The following STXBP5L variants were observed in gnomAD, a reference collection of about 807,000 sequenced individuals.
STXBP5L encodes the protein syntaxin-binding protein 5-like.
In STXBP5L, 65 loss-of-function variants were observed where a neutral mutation model predicts 144.5. The observed-to-expected ratio is 0.45, with a 90% confidence interval of 0.37 to 0.55. The LOEUF (loss-of-function observed/expected upper bound fraction) is 0.55, where lower values mean the gene tolerates loss of function less well. Ranked by LOEUF, STXBP5L falls within the 20% of genes least tolerant of loss-of-function variation. The pLI is 0.00. For synonymous variants in STXBP5L, 505 were observed against 469.6 expected, an observed-to-expected ratio of 1.08 and a Z score of -0.97; for missense variants, 1,298 against 1,405.5, an observed-to-expected ratio of 0.92 and a Z score of 1.22.
intron 5 of STXBP5L, among the ~76,000 whole-genome samples, chr3:121,097,486 A>G (rs1235258180): frequency 2.0e-5 from 3 of 152,230 alleles, no homozygotes; most frequent in Non-Finnish European, 4.4e-5. Flanking sequence ...TGCAAAGACC[A>G]TGGGACAAAT....
At chr3:121,241,025 G>C (rs933791566) in intron 14 of STXBP5L, among the ~76,000 whole-genome samples, 2 of 152,148 alleles carry the variant, frequency 1.3e-5, no homozygotes, top group African/African-American at 2.4e-5. Context: ...GGAAGATAGA[G>C]TAAATATATT....
At chr3:121,002,547 ATTTG>A (rs1431826925) in intron 3 of STXBP5L, among the ~76,000 whole-genome samples, 1 of 152,122 alleles carries the variant, frequency 6.6e-6, no homozygotes, top group Non-Finnish European at 1.5e-5. Flanking sequence ...ATATAGTCCC[ATTTG>A]TTTATTTTGT....
intron 4 of STXBP5L, among the ~76,000 whole-genome samples, chr3:121,043,448 C>A (rs571396274): frequency 6.6e-6 from 1 of 150,674 alleles, no homozygotes; most frequent in East Asian, 1.9e-4. Flanking sequence ...CGGTGGCTCA[C>A]GCCTGTAATC....
At chr3:121,281,787 T>C (rs995975370) in intron 19 of STXBP5L, among the ~76,000 whole-genome samples, 2 of 151,952 alleles carry the variant, frequency 1.3e-5, no homozygotes, top group South Asian at 2.1e-4. Flanking sequence ...GTGTACAAGA[T>C]GACACAGTGA....
intron 9 of STXBP5L, among the ~76,000 whole-genome samples, chr3:121,189,983 T>G (rs1003076545): frequency 2.6e-5 from 4 of 152,206 alleles, no homozygotes; most frequent in African/African-American, 4.8e-5. Context: ...TTAAGCATCT[T>G]GGCATTCTGA....
At chr3:121,139,451 G>C (rs2045403315) in intron 7 of STXBP5L, among the ~76,000 whole-genome samples, 1 of 152,048 alleles carries the variant, frequency 6.6e-6, no homozygotes, top group Non-Finnish European at 1.5e-5. Context: ...AAACAATTAA[G>C]GCGGAATATG....
intron 20 of STXBP5L, among the ~76,000 whole-genome samples, chr3:121,346,705 G>A (rs1232300271): frequency 5.3e-5 from 8 of 152,210 alleles, no homozygotes; most frequent in Non-Finnish European, 5.9e-5. Context: ...ATGGCCAGTG[G>A]TGATGAGCAT....
At chr3:120,977,633 C>G (rs1941227931) in intron 3 of STXBP5L, among the ~76,000 whole-genome samples, 1 of 152,106 alleles carries the variant, frequency 6.6e-6, no homozygotes, top group Non-Finnish European at 1.5e-5. Flanking sequence ...CAGTTTCTTC[C>G]TAGCTTCGAT....
intron 5 of STXBP5L, among the ~76,000 whole-genome samples, chr3:121,067,579 C>T (rs1037529236): frequency 6.6e-6 from 1 of 152,092 alleles, no homozygotes; most frequent in African/African-American, 2.4e-5. Flanking sequence ...ACTAATTTTA[C>T]TATTCTGTTA....
intron 18 of STXBP5L, among the ~76,000 whole-genome samples, chr3:121,268,631 T>G (rs1056896686): frequency 1.3e-5 from 2 of 152,174 alleles, no homozygotes; most frequent in Non-Finnish European, 2.9e-5. Flanking sequence ...GCGTAATAGA[T>G]TGATTTCATC....
chr3:121,045,501 G>A lies in STXBP5L; in HGVS notation c.436G>A (p.Ala146Thr). The A allele has an allele frequency of 1.9e-6, 3 of 1,613,060 alleles. No individual in the cohort carries two copies. The highest frequency in any genetic ancestry group is 2.5e-6 in the Non-Finnish European group (3 of 1,179,408). The change falls in exon 5 of 27, where the codon GCC (alanine) becomes ACC (threonine). Residue 146 changes from alanine (A) to threonine (T), a missense_variant. Ala to Thr is a moderately conservative substitution (Grantham distance 58). Transcript: ENST00000471454. The stretch of plus-strand genomic sequence containing the variant: ...GTGGAACCTTAGACAAAAAAGGCCA[G>A]CCATACTCCATTCTCTTAAATTTAA... ...HLWNLRQKRP[A>T]ILHSLKFNRE... is the part of the protein sequence containing the mutation.
intron 20 of STXBP5L, among the ~76,000 whole-genome samples, chr3:121,368,383 T>C (rs918837327): frequency 6.6e-6 from 1 of 152,096 alleles, no homozygotes; most frequent in Non-Finnish European, 1.5e-5. Context: ...CATCCTTTAC[T>C]TGACTTTCTC....
chr3:121,033,614 T>C (rs1946535203), intron 3 of STXBP5L, among the ~76,000 whole-genome samples: 3 of 151,438 alleles, frequency 2.0e-5, no homozygotes. Context: ...ATAAATAAAT[T>C]CGTGTGTTTT....
At position 121,419,473 on chromosome 3, in the gene STXBP5L, G is replaced by A. The variant is rs935710682; in HGVS notation, c.*376G>A. On this transcript the variant is annotated 3_prime_UTR_variant, in exon 27 of 27. Transcript: ENST00000471454. ...TTTGCATGATAAATTAACATCTTAA[G>A]GGGAAAAGAAAAAAAAGCATGTTGT... 2.5e-5 allele frequency: 4 copies of A among 160,904 alleles called. No homozygotes were observed. Among genetic ancestry groups the A allele is most frequent in the Non-Finnish European group, 5.4e-5 (4 of 74,172 alleles). The allele number at this position is 160,904 out of a possible 1,614,324, so 10.0% of individuals were successfully genotyped here.
intron 2 of STXBP5L, among the ~76,000 whole-genome samples, chr3:120,918,653 T>C (rs1301274666): frequency 6.6e-6 from 1 of 152,198 alleles, no homozygotes; most frequent in Non-Finnish European, 1.5e-5. Context: ...AATTAACATT[T>C]CTTTATATAA....
chr3:121,183,666 AAGGG>A (rs536536186), intron 9 of STXBP5L, among the ~76,000 whole-genome samples: 3 of 151,286 alleles, frequency 2.0e-5, no homozygotes, highest in Non-Finnish European at 4.4e-5. Context: ...AGAAAGAAGG[AAGGG>A]AGGGAGGGAG....
At chr3:121,413,086 T>G (rs2047156454) in intron 23 of STXBP5L, 72 bp from the exon 24 acceptor site, 4 of 1,137,044 alleles carry the variant, frequency 3.5e-6, no homozygotes, top group Admixed American at 2.9e-5. Flanking sequence ...AGAATAAAAA[T>G]TACTGTTTTT....
intron 12 of STXBP5L, among the ~76,000 whole-genome samples, chr3:121,237,357 G>A (rs2049515130): frequency 6.6e-6 from 1 of 152,198 alleles, no homozygotes. Context: ...GGGAGCTGGA[G>A]TTGTAGGGAT....
At chr3:121,033,123 G>A (rs1462806486) in intron 3 of STXBP5L, among the ~76,000 whole-genome samples, 5 of 114,604 alleles carry the variant, frequency 4.4e-5, no homozygotes, top group Non-Finnish European at 8.8e-5. Context: ...ACATGCACAC[G>A]TATGTTTATT....
Sources: gnomAD v4.1 joint callset for allele counts (sites outside exome capture counted in the v4.1 genomes callset) on GRCh38, gnomAD v4.1.1 for gene constraint, MANE v1.5 for transcripts, NCBI Gene and HGNC (gene_info 2026-07-23, HGNC 2026-07-21) for gene names.